The following PRKAR1B variants were observed in gnomAD, a reference collection of about 807,000 sequenced individuals.
PRKAR1B encodes the protein protein kinase cAMP-dependent type I regulatory subunit beta, also known as cAMP-dependent protein kinase type I-beta regulatory subunit.
PRKAR1B carries 22 observed loss-of-function variants against 46.5 expected under a neutral mutation model. The ratio of observed to expected loss-of-function variants is 0.47; its 90% CI spans 0.34 to 0.68. The LOEUF (loss-of-function observed/expected upper bound fraction) is 0.68. Ranked by LOEUF, PRKAR1B falls within the 30% of genes least tolerant of loss-of-function variation. PRKAR1B has a pLI of 0.01. For missense variants in PRKAR1B, 445 were observed against 535.6 expected (o/e 0.83, Z 1.67); for synonymous variants, 259 against 217.7 (o/e 1.19, Z -1.67).
Position 579,321 on chromosome 7 carries a change from A to C in PRKAR1B, c.826T>G (p.Phe276Val). 1 of 1,614,166 alleles carries C rather than the reference A, an allele frequency of 6.2e-7. No homozygotes were observed. The highest frequency in any genetic ancestry group is 1.3e-5 in the African/African-American group (1 of 75,068). The change falls in exon 9 of 11, where the codon TTT (phenylalanine) becomes GTT (valine). Residue 276 changes from phenylalanine to valine, a missense_variant. By Grantham distance (50) the Phe-to-Val change is conservative. Transcript: ENST00000537384. ...ACCACAATTTTCTCTCCATCTTCAA[A>C]CTGGACGGGCTCCAGCGCATCCGCC... is the stretch of plus-strand genomic sequence containing the variant. ...TVADALEPVQFEDGEKIVVQG... is the reference protein window; with the variant it reads ...TVADALEPVQVEDGEKIVVQG...
At chr7:691,709 C>T (rs931761561) in intron 2 of PRKAR1B, 11 of 1,259,692 alleles carry the variant, frequency 8.7e-6, no homozygotes, top group East Asian at 5.6e-5. Flanking sequence ...AGCAGCTCCT[C>T]GTGGACAAAA....
At chr7:604,803 G>C (rs1037972825) in intron 6 of PRKAR1B, among the ~76,000 whole-genome samples, 3 of 152,164 alleles carry the variant, frequency 2.0e-5, no homozygotes, top group Non-Finnish European at 4.4e-5. Flanking sequence ...CGGGGGTGGC[G>C]TTGCCTGCAC....
chr7:574,854 T>C (rs1479922450), intron 9 of PRKAR1B, among the ~76,000 whole-genome samples: 1 of 152,270 alleles, frequency 6.6e-6, no homozygotes, highest in African/African-American at 2.4e-5. Flanking sequence ...TGGGCCAGAT[T>C]GAGCCTGTAA....
In PRKAR1B at chr7:677,288, C is replaced by T. The variant is rs748586275; in HGVS notation, c.381G>A (p.Ala127=). The change falls in exon 4 of 11, where the codon GCG becomes GCA. Residue 127 remains alanine, a synonymous_variant. Transcript: ENST00000537384. ...CGTTCTTGGAGATGGCCTTGGCCAG[C>T]GCAGTCATGGTTTTGTAGTCCTTGG... is the stretch of plus-strand genomic sequence containing the variant. ...VIPKDYKTMT[A]LAKAISKNVL... is the part of the protein sequence containing the mutation. 13 of 1,614,130 alleles carry T rather than the reference C, an allele frequency of 8.1e-6. No individual in the cohort carries two copies. Among genetic ancestry groups the T allele is most frequent in the African/African-American group, 1.3e-5 (1 of 74,948 alleles).
chr7:579,230 G>A, intron 9 of PRKAR1B, 26 bp downstream of exon 9: 2 of 1,613,898 alleles, frequency 1.2e-6, no homozygotes, highest in Non-Finnish European at 1.7e-6. Flanking sequence ...CACACCCAGA[G>A]CGCCCACGTG....
chr7:627,075 A>G (rs183259176), intron 4 of PRKAR1B, among the ~76,000 whole-genome samples: 114 of 152,266 alleles, frequency 7.5e-4, no homozygotes, highest in African/African-American at 2.6e-3. Flanking sequence ...GGGTTTCACC[A>G]TGTTGGCCAG....
intron 4 of PRKAR1B, among the ~76,000 whole-genome samples, chr7:671,547 C>A (rs540618336): frequency 6.6e-6 from 1 of 152,290 alleles, no homozygotes; most frequent in African/African-American, 2.4e-5. Flanking sequence ...TAGCCTTGAA[C>A]TCCTGAGCTC....
chr7:673,445 C>T (rs533753800), intron 4 of PRKAR1B, among the ~76,000 whole-genome samples: 3 of 152,014 alleles, frequency 2.0e-5, no homozygotes, highest in African/African-American at 4.8e-5. Flanking sequence ...GTCAGGAGAT[C>T]GAGACCATCC....
intron 10 of PRKAR1B, 99 bp from the exon 11 acceptor site, chr7:550,701 G>T (rs1167361445): frequency 1.9e-6 from 2 of 1,026,788 alleles, no homozygotes; most frequent in Non-Finnish European, 2.7e-6. Flanking sequence ...TCCCTTTTAA[G>T]GATAGGATGT....
intron 2 of PRKAR1B, among the ~76,000 whole-genome samples, chr7:699,919 G>A (rs1405991063): frequency 2.6e-5 from 4 of 152,182 alleles, no homozygotes; most frequent in South Asian, 2.1e-4. Context: ...AATGGAGCTC[G>A]AGGCCCGATG....
At chr7:660,031 G>A (rs1270130878) in intron 4 of PRKAR1B, among the ~76,000 whole-genome samples, 2 of 152,038 alleles carry the variant, frequency 1.3e-5, no homozygotes, top group Admixed American at 6.5e-5. Flanking sequence ...AGTGACAAAG[G>A]CTCTAGGCTC....
Position 550,219 on chromosome 7 carries a change from A to C in PRKAR1B, c.*211T>G, listed in dbSNP as rs997163859. On this transcript the variant is annotated 3_prime_UTR_variant, in exon 11 of 11. Coordinates refer to ENST00000537384, the MANE Select transcript of PRKAR1B (RefSeq NM_001164760.2). Reference sequence around the variant, plus strand: ...GGCCTGTCCCTTCCTTGATCTTGGGATGCATTTTGTCCGCTTGTCCTTTGA... The same window carrying C: ...GGCCTGTCCCTTCCTTGATCTTGGGCTGCATTTTGTCCGCTTGTCCTTTGA... 1.0e-5 allele frequency: 6 copies of C among 571,616 alleles called. No homozygotes were observed. Among genetic ancestry groups the C allele is most frequent in the African/African-American group, 9.5e-5 (5 of 52,548 alleles). The allele number at this position is 571,616 out of a possible 1,614,324, so 35.4% of individuals were successfully genotyped here. A position where few individuals can be genotyped will look rare whatever the true frequency, so the allele number is the denominator to read the frequency against.
At chr7:573,329 A>G (rs1437675485) in intron 9 of PRKAR1B, among the ~76,000 whole-genome samples, 1 of 148,544 alleles carries the variant, frequency 6.7e-6, no homozygotes, top group African/African-American at 2.5e-5. Context: ...AGCCCCCCTC[A>G]CCTCCCCTCC....
chr7:696,057 C>T (rs1415142441), intron 2 of PRKAR1B, among the ~76,000 whole-genome samples: 1 of 151,182 alleles, frequency 6.6e-6, no homozygotes, highest in African/African-American at 2.4e-5. Flanking sequence ...CAGCCTCGAC[C>T]ACCCAGGCTC....
At chr7:692,847 C>A (rs1458434610) in intron 2 of PRKAR1B, among the ~76,000 whole-genome samples, 2 of 152,100 alleles carry the variant, frequency 1.3e-5, no homozygotes, top group Non-Finnish European at 2.9e-5. Flanking sequence ...GGTTCTCAAC[C>A]CCATAGTAGG....
intron 9 of PRKAR1B, among the ~76,000 whole-genome samples, chr7:576,142 C>T (rs1779812922): frequency 1.3e-5 from 2 of 149,926 alleles, no homozygotes; most frequent in Non-Finnish European, 3.0e-5. Flanking sequence ...TGCACGCTGG[C>T]ATCCTCTCCT....
intron 4 of PRKAR1B, among the ~76,000 whole-genome samples, chr7:662,822 T>C (rs1182584497): frequency 1.3e-5 from 2 of 152,202 alleles, no homozygotes; most frequent in Non-Finnish European, 2.9e-5. Context: ...TGCTGAGTCC[T>C]GGGCCCCAGC....
At chr7:551,882 TCCCG>T (rs1784236012) in intron 9 of PRKAR1B, among the ~76,000 whole-genome samples, 1 of 47,926 alleles carries the variant, frequency 2.1e-5, no homozygotes, top group Non-Finnish European at 3.8e-5. Flanking sequence ...AACCCCCACC[TCCCG>T]CCCAGGTCCT....
At chr7:588,474 ATGG>A (rs1287405402) in intron 7 of PRKAR1B, among the ~76,000 whole-genome samples, 2 of 112,908 alleles carry the variant, frequency 1.8e-5, no homozygotes, top group Non-Finnish European at 3.9e-5. Context: ...GGTGATGGTG[ATGG>A]TGGTGATGGT....
Sources: allele counts gnomAD v4.1 joint callset (sites outside exome capture counted in the v4.1 genomes callset), GRCh38; gene constraint gnomAD v4.1.1; transcripts MANE v1.5; gene names NCBI Gene and HGNC (gene_info 2026-07-23, HGNC 2026-07-21).